The following BCKDHB variants were observed in gnomAD, a reference collection of about 807,000 sequenced individuals.
BCKDHB encodes the protein branched chain keto acid dehydrogenase E1 subunit beta.
Under a neutral mutation model 48.5 loss-of-function variants are expected in BCKDHB, and 41 were observed. The observed-to-expected ratio is 0.85, with a 90% CI of 0.66 to 1.10. BCKDHB has a LOEUF of 1.10. BCKDHB is among the 50% of genes least tolerant of loss of function. The pLI is 0.00. For missense variants in BCKDHB, 496 were observed against 494.2 expected (o/e 1.00, Z -0.03); for synonymous variants, 201 against 174.8 (o/e 1.15, Z -1.18).
downstream of BCKDHB, among the ~76,000 whole-genome samples, chr6:80,350,794 T>C (rs1770371565): frequency 1.3e-5 from 2 of 152,216 alleles, no homozygotes; most frequent in African/African-American, 4.8e-5. Context: ...TTGGAACATT[T>C]ATCTACTTAT....
chr6:80,422,156 A>G, the BCKDHB span, among the ~76,000 whole-genome samples: 1 of 152,156 alleles, frequency 6.6e-6, no homozygotes. Flanking sequence ...CCTGCATCCC[A>G]GCTGCTCCAT....
intron 9 of BCKDHB, among the ~76,000 whole-genome samples, chr6:80,337,069 G>C (rs1240453692): frequency 6.6e-6 from 1 of 152,010 alleles, no homozygotes; most frequent in East Asian, 1.9e-4. Flanking sequence ...AATTAATTTG[G>C]AGTTGTTGGC....
the BCKDHB span, among the ~76,000 whole-genome samples, chr6:80,352,121 G>A: frequency 1.3e-5 from 2 of 150,534 alleles, no homozygotes; most frequent in Non-Finnish European, 3.0e-5. Flanking sequence ...ACTGCGCCCG[G>A]CTTTTTGTTT....
At chr6:80,163,714 G>C (rs1201227526) in intron 3 of BCKDHB, among the ~76,000 whole-genome samples, 1 of 151,950 alleles carries the variant, frequency 6.6e-6, no homozygotes, top group African/African-American at 2.4e-5. Context: ...AATATCTGAG[G>C]GCATCTCAAA....
the BCKDHB span, among the ~76,000 whole-genome samples, chr6:80,373,004 A>G: frequency 3.3e-5 from 5 of 152,174 alleles, no homozygotes; most frequent in Middle Eastern, 3.4e-3. Context: ...CTATCTGTGG[A>G]ATAGTGTCAA....
At chr6:80,332,652 G>GAAC (rs1769369137) in intron 9 of BCKDHB, among the ~76,000 whole-genome samples, 1 of 148,778 alleles carries the variant, frequency 6.7e-6, no homozygotes, top group Admixed American at 6.8e-5. Context: ...AAATGAGAGG[G>GAAC]AACAAGTTTA....
chr6:80,236,009 T>G lies in BCKDHB; in HGVS notation c.951+32797T>G, dbSNP rs998821554. On this transcript the variant is annotated intron_variant, in intron 8 of 9. Transcript: ENST00000320393. ...ACCAGGCAACTTAACCTGTGCTCCA[T>G]GTGGAAAGGCTGCTTTTGCAGCCTT... 1.3e-5 allele frequency among the ~76,000 whole-genome samples: 2 copies of G among 152,196 alleles called. 1 individual carries two copies. Among genetic ancestry groups the G allele is most frequent in the Non-Finnish European group, 2.9e-5 (2 of 68,018 alleles).
At chr6:80,188,955 G>C (rs1469545502) in intron 6 of BCKDHB, among the ~76,000 whole-genome samples, 1 of 152,122 alleles carries the variant, frequency 6.6e-6, no homozygotes, top group Non-Finnish European at 1.5e-5. Flanking sequence ...TAGTCTTTCT[G>C]AGACTCTTAC....
chr6:80,236,546 C>T lies in BCKDHB; in HGVS notation c.951+33334C>T, dbSNP rs565714502. Among the ~76,000 whole-genome samples the T allele has an allele frequency of 4.6e-5, 7 of 152,254 alleles. No homozygotes were observed. The East Asian group carries it at 1.3e-3, about 29-fold the overall frequency. ...TTTACATGGGTAAAAAGCTAAAGCC[C>T]TCACTGTACAGCTATTTCAAATGTT... On this transcript the variant is annotated intron_variant, in intron 8 of 9. Transcript: ENST00000320393.
chr6:80,402,540 CTT>C, the BCKDHB span, among the ~76,000 whole-genome samples: 1 of 151,764 alleles, frequency 6.6e-6, no homozygotes, highest in Non-Finnish European at 1.5e-5. Context: ...TTTGTGAACA[CTT>C]TATCCCATTC....
In BCKDHB at chr6:80,147,708, C is replaced by A. The variant is rs539447035; in HGVS notation, c.343+18479C>A. 1.4e-4 allele frequency among the ~76,000 whole-genome samples: 21 copies of A among 152,258 alleles called. No homozygotes were observed. In the South Asian group the frequency reaches 4.1e-3, roughly 30 times the overall value. On this transcript the variant is annotated intron_variant, in intron 3 of 9. Transcript: ENST00000320393. ...ATCATAGAATGCTGGATTTCACCCTCAAGATTTCTGATTTAGTAGGTTTGA... is the reference window on the plus strand; with the variant it reads ...ATCATAGAATGCTGGATTTCACCCTAAAGATTTCTGATTTAGTAGGTTTGA...
chr6:80,294,442 C>A (rs377186315), intron 9 of BCKDHB, among the ~76,000 whole-genome samples: 8 of 152,174 alleles, frequency 5.3e-5, no homozygotes, highest in African/African-American at 1.7e-4. Flanking sequence ...CAAGGGAAGA[C>A]AACCGTTAGG....
chr6:80,425,609 G>C, the BCKDHB span, among the ~76,000 whole-genome samples: 1 of 152,168 alleles, frequency 6.6e-6, no homozygotes, highest in Admixed American at 6.5e-5. Context: ...AGGACCAACA[G>C]TTTTGAACAC....
chr6:80,273,539 A>G (rs1390574854), intron 9 of BCKDHB, among the ~76,000 whole-genome samples: 3 of 152,130 alleles, frequency 2.0e-5, no homozygotes, highest in Non-Finnish European at 4.4e-5. Context: ...TAACAGAAAG[A>G]AAAATCTTTT....
intron 6 of BCKDHB, among the ~76,000 whole-genome samples, chr6:80,196,785 A>G (rs2127815503): frequency 6.6e-6 from 1 of 152,322 alleles, no homozygotes; most frequent in African/African-American, 2.4e-5. Flanking sequence ...AATTCACAGC[A>G]TGAATCTCTA....
At chr6:80,289,007 T>A (rs1403935848) in intron 9 of BCKDHB, among the ~76,000 whole-genome samples, 1 of 152,144 alleles carries the variant, frequency 6.6e-6, no homozygotes, top group Non-Finnish European at 1.5e-5. Context: ...TAAATAGATG[T>A]CACATTTTAA....
the BCKDHB span, among the ~76,000 whole-genome samples, chr6:80,375,730 T>A: frequency 1.7e-4 from 26 of 152,192 alleles, no homozygotes; most frequent in Non-Finnish European, 7.3e-5. Context: ...AGAACTTGTT[T>A]TATCATATTG....
the BCKDHB span, among the ~76,000 whole-genome samples, chr6:80,437,977 G>A: frequency 2.6e-5 from 4 of 152,180 alleles, no homozygotes; most frequent in Non-Finnish European, 5.9e-5. Flanking sequence ...TGCCTGTCCT[G>A]TGTATCTCGC....
the BCKDHB span, among the ~76,000 whole-genome samples, chr6:80,458,842 A>G: frequency 6.6e-6 from 1 of 152,110 alleles, no homozygotes; most frequent in African/African-American, 2.4e-5. Flanking sequence ...AAGTAAAAAA[A>G]TCACCTAACT....
Sources: gnomAD v4.1 joint callset for allele counts (sites outside exome capture counted in the v4.1 genomes callset) on GRCh38, gnomAD v4.1.1 for gene constraint, MANE v1.5 for transcripts, NCBI Gene and HGNC (gene_info 2026-07-23, HGNC 2026-07-21) for gene names.